Variants in UTRN observed in about 807,000 individuals in gnomAD.
The protein encoded by UTRN is dystrophin-related protein 1.
UTRN carries 283 observed loss-of-function variants against 463.9 expected under a neutral mutation model. That is an observed-to-expected ratio of 0.61 (90% CI 0.55 to 0.67). The LOEUF (loss-of-function observed/expected upper bound fraction) is 0.67. Among genes scored for constraint, UTRN ranks in the 30% least tolerant of loss-of-function variants. The pLI, the probability that UTRN is intolerant of heterozygous loss-of-function variation, is 0.00. For missense variants in UTRN, 3,922 were observed against 4,084.3 expected, an observed-to-expected ratio of 0.96 and a Z score of 1.08; for synonymous variants, 1,442 against 1,431.5, an observed-to-expected ratio of 1.01 and a Z score of -0.17.
intron 53 of UTRN, among the ~76,000 whole-genome samples, chr6:144,703,905 C>T (rs1282483865): frequency 6.6e-6 from 1 of 152,044 alleles, no homozygotes; most frequent in Non-Finnish European, 1.5e-5. Context: ...TAACTCATTG[C>T]TGAGTAGTGA....
intron 51 of UTRN, among the ~76,000 whole-genome samples, chr6:144,590,707 C>T (rs114530236): frequency 0.011 from 1,650 of 152,164 alleles, 23 homozygotes; most frequent in African/African-American, 0.037. Flanking sequence ...ACGAGTCTAG[C>T]GTGAGACTAA....
chr6:144,751,961 T>G lies in UTRN; in HGVS notation c.8355+9T>G, dbSNP rs1454279160. 3.1e-6 allele frequency: 5 copies of G among 1,598,812 alleles called. No homozygotes were observed. In the African/African-American group the frequency reaches 5.4e-5, roughly 17 times the overall value. ...GATGGAAACTTTTACAGGTATCAGC[T>G]TATTCCCCTTCATAATGCAGGCTTA... On this transcript the variant is annotated intron_variant, in intron 56 of 74. Transcript: ENST00000367545.
intron 53 of UTRN, among the ~76,000 whole-genome samples, chr6:144,723,019 C>T (rs1481962749): frequency 1.3e-5 from 2 of 152,094 alleles, no homozygotes; most frequent in Non-Finnish European, 2.9e-5. Flanking sequence ...ATGGAAACAC[C>T]CTTCAATTCT....
chr6:144,675,562 T>A (rs572549155), intron 51 of UTRN, among the ~76,000 whole-genome samples: 1 of 152,344 alleles, frequency 6.6e-6, no homozygotes, highest in Admixed American at 6.5e-5. Context: ...TATGAGTTGC[T>A]GTCATAACTT....
chr6:144,683,260 A>G (rs1472530691), intron 52 of UTRN, among the ~76,000 whole-genome samples: 2 of 152,192 alleles, frequency 1.3e-5, no homozygotes, highest in African/African-American at 2.4e-5. Flanking sequence ...AGAACTCAGT[A>G]TCTTCATGGC....
chr6:144,819,256 C>T (rs1779351931), intron 65 of UTRN, among the ~76,000 whole-genome samples: 1 of 152,090 alleles, frequency 6.6e-6, no homozygotes, highest in South Asian at 2.1e-4. Flanking sequence ...CTTTGCAAGC[C>T]AAGAGAATCA....
intron 51 of UTRN, among the ~76,000 whole-genome samples, chr6:144,608,064 A>T (rs1172993786): frequency 6.6e-6 from 1 of 151,968 alleles, no homozygotes; most frequent in Non-Finnish European, 1.5e-5. Flanking sequence ...AGGCCATGGT[A>T]TCCGGATTTT....
chr6:144,610,945 G>A (rs1035344177), intron 51 of UTRN, among the ~76,000 whole-genome samples: 3 of 150,424 alleles, frequency 2.0e-5, no homozygotes, highest in Non-Finnish European at 4.5e-5. Flanking sequence ...ATGAATACAG[G>A]TGAAAAAACC....
chr6:144,463,117 T>C (rs189156378), intron 23 of UTRN, among the ~76,000 whole-genome samples: 1 of 152,308 alleles, frequency 6.6e-6, no homozygotes, highest in Admixed American at 6.5e-5. Flanking sequence ...TGCTTAAAAA[T>C]GGTCAAAATA....
Position 144,292,312 on chromosome 6 carries a change from C to T in UTRN, c.79+405C>T, listed in dbSNP as rs576018711. Among the ~76,000 whole-genome samples the T allele has an allele frequency of 3.3e-5, 5 of 152,282 alleles. No individual in the cohort carries two copies. The South Asian group carries it at 1.0e-3, about 32-fold the overall frequency. On this transcript the variant is annotated intron_variant, in intron 2 of 74. Transcript: ENST00000367545. ...TGATTTCATTACCATATATCCTCACCCCCATCCCTGTTCATAGCCATTGAT... is the reference window on the plus strand; with the variant it reads ...TGATTTCATTACCATATATCCTCACTCCCATCCCTGTTCATAGCCATTGAT...
intron 51 of UTRN, among the ~76,000 whole-genome samples, chr6:144,661,484 T>C (rs1779859899): frequency 6.6e-6 from 1 of 152,188 alleles, no homozygotes; most frequent in East Asian, 1.9e-4. Flanking sequence ...CCTCTCGCTT[T>C]AATATGTGGT....
intron 53 of UTRN, among the ~76,000 whole-genome samples, chr6:144,721,721 T>C (rs1188755044): frequency 1.3e-5 from 2 of 152,220 alleles, no homozygotes; most frequent in Non-Finnish European, 2.9e-5. Flanking sequence ...TTTGGAATAT[T>C]TGTGTATCCA....
chr6:144,826,775 CT>C (rs1350311393), intron 66 of UTRN, among the ~76,000 whole-genome samples: 1 of 151,882 alleles, frequency 6.6e-6, no homozygotes, highest in Non-Finnish European at 1.5e-5. Context: ...TTGGTGGGAT[CT>C]AGGGGTGGTA....
chr6:144,488,666 T>C lies in UTRN; in HGVS notation c.3973-7T>C, dbSNP rs1361410174. 1 of 1,609,674 alleles carries C rather than the reference T, an allele frequency of 6.2e-7. No homozygotes were observed. The highest frequency in any genetic ancestry group is 8.5e-7 in the Non-Finnish European group (1 of 1,177,546). On this transcript the variant is annotated splice_polypyrimidine_tract_variant and splice_region_variant and intron_variant, in intron 29 of 74. Coordinates refer to ENST00000367545, the MANE Select transcript of UTRN (RefSeq NM_007124.3). ...GCAACTAATGATTCAATTTCTCCTT[T>C]GTGCAGGCAGAGAGCAAGCAGATTT...
intron 21 of UTRN, among the ~76,000 whole-genome samples, chr6:144,459,884 A>G (rs1295033020): frequency 6.6e-6 from 1 of 152,118 alleles, no homozygotes; most frequent in East Asian, 1.9e-4. Context: ...AACAGGTGAT[A>G]TAACAGCCTC....
Position 144,849,113 on chromosome 6 carries a change from G to C in UTRN, c.10294-1876G>C, listed in dbSNP as rs1341333220. Among the ~76,000 whole-genome samples, 24 of 152,038 alleles carry C rather than the reference G, an allele frequency of 1.6e-4. 2 individuals carry two copies. The highest frequency in any genetic ancestry group is 1.6e-3 in the Admixed American group (24 of 15,252). ...TAGATGCAGGCAGCATTCAGAGAAG[G>C]GTTTGGGAACATGGGTTTTGCGGAT... On this transcript the variant is annotated intron_variant, in intron 74 of 74. Transcript: ENST00000367545.
intron 51 of UTRN, among the ~76,000 whole-genome samples, chr6:144,638,428 C>G (rs1777411476): frequency 6.6e-6 from 1 of 152,098 alleles, no homozygotes; most frequent in South Asian, 2.1e-4. Context: ...TTTTATTCCT[C>G]TTGGGACTGC....
chr6:144,469,342 T>C, intron 23 of UTRN, among the ~76,000 whole-genome samples: 1 of 152,234 alleles, frequency 6.6e-6, no homozygotes, highest in Non-Finnish European at 1.5e-5. Context: ...GTTGGTTTTG[T>C]AGATCTTAGT....
chr6:144,337,194 CCACACACACACACA>C (rs772582196), intron 2 of UTRN, among the ~76,000 whole-genome samples: 1 of 126,704 alleles, frequency 7.9e-6, no homozygotes, highest in South Asian at 2.3e-4. Context: ...CACACACACA[CCACACACACACACA>C]CACACACACA....
Sources: allele counts gnomAD v4.1 joint callset (sites outside exome capture counted in the v4.1 genomes callset), GRCh38; gene constraint gnomAD v4.1.1; transcripts MANE v1.5; gene names NCBI Gene and HGNC (gene_info 2026-07-23, HGNC 2026-07-21).